EPHA3: variants seen among roughly 807,000 people sequenced by gnomAD.
EPHA3 encodes the protein EPH receptor A3, also known as ephrin type-A receptor 3.
Under a neutral mutation model 107.1 loss-of-function variants are expected in EPHA3, and 42 were observed. The observed-to-expected ratio is 0.39, with a 90% CI of 0.31 to 0.51. The LOEUF (loss-of-function observed/expected upper bound fraction) is 0.51. EPHA3 is among the 20% of genes least tolerant of loss of function. The pLI, the probability that EPHA3 is intolerant of heterozygous loss-of-function variation, is 0.78. For missense variants in EPHA3, 1,183 were observed against 1,211.2 expected (o/e 0.98, Z 0.35); for synonymous variants, 461 against 424.8 (o/e 1.09, Z -1.05).
chr3:89,148,250 C>A (rs1704611892), intron 2 of EPHA3, among the ~76,000 whole-genome samples: 1 of 151,756 alleles, frequency 6.6e-6, no homozygotes, highest in South Asian at 2.1e-4. Context: ...GCACTTAATA[C>A]CAGGGTCATT....
intron 2 of EPHA3, among the ~76,000 whole-genome samples, chr3:89,192,092 G>T (rs1705730124): frequency 6.6e-6 from 1 of 152,060 alleles, no homozygotes; most frequent in Non-Finnish European, 1.5e-5. Flanking sequence ...TAACTTGTAG[G>T]TTGGTTATGA....
At chr3:89,131,321 G>A (rs1392606757) in intron 2 of EPHA3, among the ~76,000 whole-genome samples, 1 of 152,026 alleles carries the variant, frequency 6.6e-6, no homozygotes, top group Non-Finnish European at 1.5e-5. Context: ...TAATTCAATC[G>A]TTCTAATATT....
chr3:89,194,065 A>T (rs1236132829), intron 2 of EPHA3, among the ~76,000 whole-genome samples: 1 of 151,994 alleles, frequency 6.6e-6, no homozygotes, highest in Admixed American at 6.6e-5. Flanking sequence ...ATCACTTATG[A>T]TTTATTTATA....
chr3:89,111,562 G>T (rs1348727572), intron 1 of EPHA3, among the ~76,000 whole-genome samples: 1 of 142,148 alleles, frequency 7.0e-6, no homozygotes, highest in African/African-American at 2.5e-5. Flanking sequence ...GAAGGTAGGA[G>T]AAACCTTATT....
At chr3:89,333,102 G>A (rs2107401769) in intron 3 of EPHA3, among the ~76,000 whole-genome samples, 1 of 152,238 alleles carries the variant, frequency 6.6e-6, no homozygotes, top group South Asian at 2.1e-4. Flanking sequence ...TGACAAAAAT[G>A]TGTTTTGTGC....
At chr3:89,251,363 TA>T (rs1705163366) in intron 3 of EPHA3, among the ~76,000 whole-genome samples, 1 of 152,084 alleles carries the variant, frequency 6.6e-6, no homozygotes, top group Non-Finnish European at 1.5e-5. Flanking sequence ...ATTAATATAA[TA>T]ACTTATAGAA....
rs151289571 is a variant in EPHA3 at position 89,409,860 on chromosome 3, C to T, written c.1762+1729C>T. Among the ~76,000 whole-genome samples, 208 of 152,138 alleles carry T rather than the reference C, an allele frequency of 1.4e-3. 2 individuals are homozygous for T. The highest frequency in any genetic ancestry group is 4.0e-3 in the African/African-American group (165 of 41,540). On this transcript the variant is annotated intron_variant, in intron 9 of 16. Coordinates refer to ENST00000336596, the MANE Select transcript of EPHA3 (RefSeq NM_005233.6). ...TGTCCCCTTGCCCTTTCTGGCTGGG[C>T]CTTTTTACTTCTTTGCTATCCTTAG...
intron 5 of EPHA3, among the ~76,000 whole-genome samples, chr3:89,344,815 A>T (rs1707605990): frequency 6.6e-6 from 1 of 152,148 alleles, no homozygotes; most frequent in Non-Finnish European, 1.5e-5. Context: ...AAGCATTGTG[A>T]TGATCAAATG....
intron 3 of EPHA3, among the ~76,000 whole-genome samples, chr3:89,246,548 G>T (rs1705038541): frequency 6.6e-6 from 1 of 152,060 alleles, no homozygotes; most frequent in African/African-American, 2.4e-5. Flanking sequence ...CTCCCACTAG[G>T]TTGTGTCAAA....
At chr3:89,304,305 A>G (rs1466629411) in intron 3 of EPHA3, among the ~76,000 whole-genome samples, 1 of 152,094 alleles carries the variant, frequency 6.6e-6, no homozygotes, top group Non-Finnish European at 1.5e-5. Context: ...CAACGTAGAC[A>G]TGGTGATATT....
chr3:89,369,590 G>T (rs1708251742), intron 5 of EPHA3, among the ~76,000 whole-genome samples: 1 of 149,680 alleles, frequency 6.7e-6, no homozygotes, highest in South Asian at 2.1e-4. Flanking sequence ...CAGGACATAG[G>T]CATGGGCAAG....
chr3:89,221,903 A>G (rs1043347352), intron 3 of EPHA3, among the ~76,000 whole-genome samples: 6 of 152,166 alleles, frequency 3.9e-5, no homozygotes, highest in African/African-American at 1.4e-4. Flanking sequence ...GAAATTGGTT[A>G]TAAGAGTTGA....
chr3:89,407,600 C>T (rs1426331811), intron 8 of EPHA3, among the ~76,000 whole-genome samples: 1 of 152,002 alleles, frequency 6.6e-6, no homozygotes, highest in Non-Finnish European at 1.5e-5. Context: ...AACATACACC[C>T]CTCCTCTTCT....
chr3:89,119,184 G>A (rs879877446), intron 1 of EPHA3, among the ~76,000 whole-genome samples: 9 of 152,042 alleles, frequency 5.9e-5, no homozygotes, highest in African/African-American at 1.2e-4. Context: ...AGCACATACC[G>A]AAGCTAACAT....
chr3:89,228,733 C>A (rs1322835247), intron 3 of EPHA3, among the ~76,000 whole-genome samples: 1 of 151,712 alleles, frequency 6.6e-6, no homozygotes, highest in African/African-American at 2.4e-5. Context: ...CATAAACATA[C>A]CAGAGAAGTA....
chr3:89,134,546 C>G (rs914742214), intron 2 of EPHA3, among the ~76,000 whole-genome samples: 1 of 152,138 alleles, frequency 6.6e-6, no homozygotes, highest in South Asian at 2.1e-4. Flanking sequence ...AGGACATGAA[C>G]TCATCATTTT....
intron 2 of EPHA3, among the ~76,000 whole-genome samples, chr3:89,187,350 T>C (rs543183287): frequency 6.5e-4 from 96 of 148,578 alleles, no homozygotes; most frequent in South Asian, 4.8e-3. Context: ...TAATAAATAA[T>C]ATACATTATA....
intron 2 of EPHA3, among the ~76,000 whole-genome samples, chr3:89,197,929 T>C (rs1415773929): frequency 6.6e-6 from 1 of 152,012 alleles, no homozygotes; most frequent in African/African-American, 2.4e-5. Context: ...TGAGCCAAGA[T>C]CATGCCACTG....
At chr3:89,233,135 G>A (rs1704675796) in intron 3 of EPHA3, among the ~76,000 whole-genome samples, 1 of 152,082 alleles carries the variant, frequency 6.6e-6, no homozygotes, top group Non-Finnish European at 1.5e-5. Context: ...GAATTTAGGA[G>A]AATAGCTTTT....
Sources: allele counts gnomAD v4.1 joint callset (sites outside exome capture counted in the v4.1 genomes callset), GRCh38; gene constraint gnomAD v4.1.1; transcripts MANE v1.5; gene names NCBI Gene and HGNC (gene_info 2026-07-23, HGNC 2026-07-21).